Variants in DIAPH1 observed in about 807,000 individuals in gnomAD.
DIAPH1 encodes protein diaphanous homolog 1.
A neutral mutation model predicts 140.7 loss-of-function variants in DIAPH1; 46 were observed. The observed-to-expected ratio is 0.33, with a 90% CI of 0.26 to 0.42. The LOEUF (loss-of-function observed/expected upper bound fraction) is 0.42. Among genes scored for constraint, DIAPH1 ranks in the 10% least tolerant of loss-of-function variants. The pLI is 1.00. For missense variants in DIAPH1, 1,310 were observed against 1,558.7 expected, an observed-to-expected ratio of 0.84 and a Z score of 2.69; for synonymous variants, 565 against 551.6, an observed-to-expected ratio of 1.02 and a Z score of -0.34.
intron 18 of DIAPH1, among the ~76,000 whole-genome samples, chr5:141,544,048 C>T (rs957692007): frequency 1.3e-5 from 2 of 152,172 alleles, no homozygotes; most frequent in African/African-American, 4.8e-5. Flanking sequence ...CGGTGGCTCA[C>T]GCCTGTAATC....
At chr5:141,559,791 T>C (rs1202878183) in intron 18 of DIAPH1, among the ~76,000 whole-genome samples, 1 of 152,124 alleles carries the variant, frequency 6.6e-6, no homozygotes. Context: ...GACAGGTTTA[T>C]GCAAGGAAAC....
At position 141,574,126 on chromosome 5, in the gene DIAPH1, G is replaced by A; in HGVS notation, c.1724C>T (p.Ser575Phe). 1 of 1,614,120 alleles carries A rather than the reference G, an allele frequency of 6.2e-7. No individual in the cohort carries two copies. The highest frequency in any genetic ancestry group is 1.3e-5 in the African/African-American group (1 of 75,024). Residue 575 changes from serine to phenylalanine, a missense_variant, in exon 16 of 28, where the codon TCT becomes TTT. Transcript: ENST00000389054. Reference protein sequence around the residue: ...LSAAAITVPPSVPSRAPVPPA... With the variant: ...LSAAAITVPPFVPSRAPVPPA... ...GGGAACAGGAGCACGACTAGGAACA[G>A]AAGGAGGTACAGTAATAGCTGCCGC... is the stretch of plus-strand genomic sequence containing the variant.
Position 141,529,152 on chromosome 5 carries a change from C to T in DIAPH1, c.2778+20G>A, listed in dbSNP as rs761883411. The T allele has an allele frequency of 9.3e-6, 15 of 1,608,628 alleles. No individual in the cohort carries two copies. In the African/African-American group the frequency reaches 1.2e-4, roughly 13 times the overall value. ...AATACAGGAGGTGGAAAACCGCTTA[C>T]TGCCACAGGCCTCACTCACCACCAC... On this transcript the variant is annotated intron_variant, in intron 21 of 27. Transcript: ENST00000389054.
In DIAPH1 at chr5:141,582,328, G is replaced by A; in HGVS notation, c.668C>T (p.Ala223Val). ...AAATCTCACCTTGTTGTTCATAAAA[G>A]CTTTCAAGCAGCGAATGATCTCATG... ...NKHEIIRCLK[A>V]FMNNKFGIKT... Residue 223 changes from alanine to valine, a missense_variant, in exon 7 of 28, where the codon GCT becomes GTT. Around this residue, in one of 3 missense-constraint regions of DIAPH1, gnomAD observed 377 missense variants for 497.1 expected, o/e 0.76. Coordinates refer to ENST00000389054, the MANE Select transcript of DIAPH1 (RefSeq NM_005219.5). The A allele has an allele frequency of 6.2e-7, 1 of 1,613,902 alleles. No homozygotes were observed. The highest frequency in any genetic ancestry group is 8.5e-7 in the Non-Finnish European group (1 of 1,179,816).
chr5:141,537,644 C>T (rs888407032), intron 18 of DIAPH1, among the ~76,000 whole-genome samples: 7 of 151,782 alleles, frequency 4.6e-5, no homozygotes, highest in African/African-American at 1.7e-4. Context: ...CCAGTTCCAC[C>T]AAAATGGAGT....
chr5:141,583,271 A>G lies in DIAPH1; in HGVS notation c.555T>C (p.Ala185=). The change falls in exon 6 of 28, where the codon GCT becomes GCC. Residue 185 remains alanine (A), a synonymous_variant. Transcript: ENST00000389054. ...TGTCCAATAAGGAGGCCAAGCCTTC[A>G]GCACCAAATGTTTGCACCCAACTGT... ...NPVSWVQTFG[A]EGLASLLDIL... is the part of the protein sequence containing the mutation. 4 of 1,614,248 alleles carry G rather than the reference A, an allele frequency of 2.5e-6. No individual in the cohort carries two copies. Among genetic ancestry groups the G allele is most frequent in the Non-Finnish European group, 3.4e-6 (4 of 1,180,036 alleles).
At chr5:141,593,059 G>C (rs2099898737) in intron 1 of DIAPH1, among the ~76,000 whole-genome samples, 1 of 152,146 alleles carries the variant, frequency 6.6e-6, no homozygotes, top group East Asian at 1.9e-4. Flanking sequence ...AAGAACTAGA[G>C]GTATTAAATC....
chr5:141,561,246 G>C (rs1285637844), intron 18 of DIAPH1, among the ~76,000 whole-genome samples: 1 of 152,114 alleles, frequency 6.6e-6, no homozygotes, highest in Non-Finnish European at 1.5e-5. Context: ...TGGGGTTATT[G>C]TAGGATCAGG....
At chr5:141,521,001 T>C (rs1044279300) in intron 27 of DIAPH1, among the ~76,000 whole-genome samples, 1 of 152,074 alleles carries the variant, frequency 6.6e-6, no homozygotes, top group Non-Finnish European at 1.5e-5. Context: ...CCTGGGTTCA[T>C]GCCATTCTCC....
chr5:141,518,872 A>T (rs1209516988), intron 27 of DIAPH1: 4 of 1,426,232 alleles, frequency 2.8e-6, no homozygotes, highest in Non-Finnish European at 3.9e-6. Flanking sequence ...CATGACCCAG[A>T]GCTACTGTTT....
Position 141,596,386 on chromosome 5 carries a change from C to T in DIAPH1, c.118-8136G>A, listed in dbSNP as rs144129201. On this transcript the variant is annotated intron_variant, in intron 1 of 27. Coordinates refer to ENST00000389054, the MANE Select transcript of DIAPH1 (RefSeq NM_005219.5). ...GGCATTGTAGCGCTTGCCTGTAGTCCCACCTACTCAGGAGGCTGAGGTGGG... is the reference window on the plus strand; with the variant it reads ...GGCATTGTAGCGCTTGCCTGTAGTCTCACCTACTCAGGAGGCTGAGGTGGG... Among the ~76,000 whole-genome samples the T allele has an allele frequency of 8.0e-4, 122 of 152,098 alleles. 2 individuals carry two copies. The highest frequency in any genetic ancestry group is 2.8e-3 in the African/African-American group (117 of 41,466).
Position 141,582,367 on chromosome 5 carries a change from T to C in DIAPH1, c.629A>G (p.Asp210Gly), listed in dbSNP as rs1424725542. 10 of 1,612,374 alleles carry C rather than the reference T, an allele frequency of 6.2e-6. No homozygotes were observed. The highest frequency in any genetic ancestry group is 8.5e-6 in the Non-Finnish European group (10 of 1,178,514). ...DEKEETAGSY[D>G]SRNKHEIIRC... ...AATGATCTCATGCTTGTTCCGGCTATCGTAACTCCTGTATATAGAAGACAT... is the reference window on the plus strand; with the variant it reads ...AATGATCTCATGCTTGTTCCGGCTACCGTAACTCCTGTATATAGAAGACAT... The change falls in exon 7 of 28, where the codon GAT becomes GGT. Residue 210 changes from aspartate to glycine, a missense_variant. Coordinates refer to ENST00000389054, the MANE Select transcript of DIAPH1 (RefSeq NM_005219.5).
At chr5:141,548,897 C>G (rs1285424445) in intron 18 of DIAPH1, among the ~76,000 whole-genome samples, 2 of 152,016 alleles carry the variant, frequency 1.3e-5, no homozygotes, top group Non-Finnish European at 2.9e-5. Flanking sequence ...TATCATAAGT[C>G]AAGTATGTAT....
At chr5:141,551,045 A>C (rs1212400979) in intron 18 of DIAPH1, among the ~76,000 whole-genome samples, 2 of 152,266 alleles carry the variant, frequency 1.3e-5, no homozygotes, top group Admixed American at 6.5e-5. Flanking sequence ...AAAGGACATT[A>C]TTGTGACAAT....
At chr5:141,519,148 A>G (rs1432010324) in intron 27 of DIAPH1, among the ~76,000 whole-genome samples, 1 of 152,186 alleles carries the variant, frequency 6.6e-6, no homozygotes, top group African/African-American at 2.4e-5. Flanking sequence ...GACTGAGACA[A>G]GTGAGGAAAA....
At chr5:141,552,701 GGAAA>G (rs1158773641) in intron 18 of DIAPH1, among the ~76,000 whole-genome samples, 1 of 152,040 alleles carries the variant, frequency 6.6e-6, no homozygotes, top group Non-Finnish European at 1.5e-5. Flanking sequence ...CAATATATAT[GGAAA>G]TTAAGTACTT....
At position 141,587,092 on chromosome 5, in the gene DIAPH1, A is replaced by G. The variant is rs147691941; in HGVS notation, c.250T>C (p.Leu84=). ...ACTTGTTCATCTGAAACATCTTGCAATGACTGTGCTGTGGGATCATCCCCA... is the reference window on the plus strand; with the variant it reads ...ACTTGTTCATCTGAAACATCTTGCAGTGACTGTGCTGTGGGATCATCCCCA... The part of the protein sequence containing the change: ...SYGDDPTAQS[L]QDVSDEQVLV... The change falls in exon 3 of 28, where the codon TTG becomes CTG. Residue 84 remains leucine (L), a synonymous_variant. Coordinates refer to ENST00000389054, the MANE Select transcript of DIAPH1 (RefSeq NM_005219.5). The G allele has an allele frequency of 6.8e-6, 11 of 1,614,170 alleles. No homozygotes were observed. In the East Asian group the frequency reaches 1.6e-4, roughly 23 times the overall value.
Position 141,576,764 on chromosome 5 carries a change from C to A in DIAPH1, c.1388G>T (p.Gly463Val). Residue 463 changes from glycine to valine, a missense_variant, in exon 13 of 28, where the codon GGA becomes GTA. Physicochemically the swap from Gly to Val is moderately radical, Grantham distance 109. This residue lies in a region of DIAPH1 where 589 missense variants were observed against 549.3 expected (regional missense o/e 1.07). Coordinates refer to ENST00000389054, the MANE Select transcript of DIAPH1 (RefSeq NM_005219.5). The part of the protein sequence containing the change: ...KCRHLQIEIE[G>V]LIDQMIDKTK... ...TAGAAGAGTATGCTTACCAATTAAT[C>A]CCTCAATCTCAATCTGGAGGTGCCG... The A allele has an allele frequency of 1.2e-6, 2 of 1,604,530 alleles. No homozygotes were observed. The highest frequency in any genetic ancestry group is 1.1e-5 in the South Asian group (1 of 90,886).
chr5:141,593,009 G>A (rs1338415154), intron 1 of DIAPH1, among the ~76,000 whole-genome samples: 1 of 152,136 alleles, frequency 6.6e-6, no homozygotes, highest in Non-Finnish European at 1.5e-5. Context: ...AGGTTGGGAA[G>A]AACAAAAGAG....
Sources: gnomAD v4.1 joint callset for allele counts (sites outside exome capture counted in the v4.1 genomes callset) on GRCh38, gnomAD v4.1.1 for gene constraint, gnomAD v4.1.1 regional missense constraint, MANE v1.5 for transcripts, NCBI Gene and HGNC (gene_info 2026-07-23, HGNC 2026-07-21) for gene names.